Variants in DEK observed in about 807,000 individuals in gnomAD.
The protein encoded by DEK is protein DEK.
A neutral mutation model predicts 46.8 loss-of-function variants in DEK; 28 were observed. That is an observed-to-expected ratio of 0.60 (90% CI 0.44 to 0.82). The LOEUF is 0.82. Ranked by LOEUF, DEK falls within the 40% of genes least tolerant of loss-of-function variation. The pLI, the probability that DEK is intolerant of heterozygous loss-of-function variation, is 0.00. For synonymous variants in DEK, 160 were observed against 144.5 expected (o/e 1.11, Z -0.77); for missense variants, 416 against 430.6 (o/e 0.97, Z 0.30).
intron 7 of DEK, among the ~76,000 whole-genome samples, chr6:18,246,797 G>C (rs1159316231): frequency 1.3e-5 from 2 of 152,168 alleles, no homozygotes; most frequent in Non-Finnish European, 2.9e-5. Context: ...TCATTTTACA[G>C]AGGAAACTGA....
At chr6:18,231,314 GAAGC>G (rs1374055195) in intron 9 of DEK, among the ~76,000 whole-genome samples, 6 of 152,020 alleles carry the variant, frequency 3.9e-5, no homozygotes, top group African/African-American at 1.4e-4. Flanking sequence ...AAGAACTAGA[GAAGC>G]AAGAGCAAAC....
rs376026561 is a variant in DEK at position 18,263,845 on chromosome 6, T to C, written c.143A>G (p.Lys48Arg). Residue 48 changes from lysine (K) to arginine (R), a missense_variant and splice_region_variant, in exon 2 of 11, where the codon AAA (lysine) becomes AGA (arginine). Coordinates refer to ENST00000652689, the MANE Select transcript of DEK (RefSeq NM_003472.4). ...AGTTGGGATGCGACTCCCCCCACCT[T>C]TTTCCTCCTCCTCCTCCTCCTCGTC... The part of the protein sequence containing the change: ...EDDEEEEEEE[K>R]EKSLIVEGKR... 3 of 1,611,852 alleles carry C rather than the reference T, an allele frequency of 1.9e-6. No individual in the cohort carries two copies. The highest frequency in any genetic ancestry group is 2.7e-5 in the African/African-American group (2 of 74,802).
chr6:18,251,234 A>C (rs1289327512), intron 6 of DEK, among the ~76,000 whole-genome samples: 1 of 152,182 alleles, frequency 6.6e-6, no homozygotes, highest in Non-Finnish European at 1.5e-5. Flanking sequence ...ATTTTCTGCA[A>C]TAAGCAGAAA....
rs1790081713 is a variant in DEK, at chr6:18,225,635, G to C, written c.*84C>G. The C allele has an allele frequency of 6.8e-7, 1 of 1,477,164 alleles. No individual in the cohort carries two copies. Among genetic ancestry groups the C allele is most frequent in the Non-Finnish European group, 9.2e-7 (1 of 1,083,062 alleles). The allele number at this position is 1,477,164 out of a possible 1,614,324, so 91.5% of individuals were successfully genotyped here. A position where few individuals can be genotyped will look rare whatever the true frequency, so the allele number is the denominator to read the frequency against. On this transcript the variant is annotated 3_prime_UTR_variant, in exon 11 of 11. Coordinates refer to ENST00000652689, the MANE Select transcript of DEK (RefSeq NM_003472.4). ...CGTTGCTTAACAAGGATTTAGAAAA[G>C]GAAATACATTCTCTTTGCTGGTATA...
intron 7 of DEK, among the ~76,000 whole-genome samples, chr6:18,247,860 C>T (rs1451608533): frequency 6.6e-6 from 1 of 151,980 alleles, no homozygotes; most frequent in African/African-American, 2.4e-5. Context: ...TTAGTAGAGG[C>T]AGGGTTTCAC....
intron 8 of DEK, 71 bp downstream of exon 8, chr6:18,237,309 TA>T: frequency 5.3e-6 from 8 of 1,501,962 alleles, no homozygotes; most frequent in Non-Finnish European, 7.1e-6. Flanking sequence ...CCCACACACT[TA>T]AATACTATGT....
At chr6:18,240,653 ACTTT>A (rs539764001) in intron 7 of DEK, among the ~76,000 whole-genome samples, 8 of 152,280 alleles carry the variant, frequency 5.3e-5, no homozygotes, top group African/African-American at 1.9e-4. Flanking sequence ...AATAACTTAA[ACTTT>A]CTAAGTGTTT....
chr6:18,225,620 C>A lies in DEK; in HGVS notation c.*99G>T. 1 of 1,390,352 alleles carries A rather than the reference C, an allele frequency of 7.2e-7. No homozygotes were observed. Among genetic ancestry groups the A allele is most frequent in the Non-Finnish European group, 9.8e-7 (1 of 1,018,970 alleles). 86.1% of individuals were successfully genotyped at this position (1,390,352 alleles called of 1,614,324 possible). A position where few individuals can be genotyped will look rare whatever the true frequency, so the allele number is the denominator to read the frequency against. On this transcript the variant is annotated 3_prime_UTR_variant, in exon 11 of 11. Transcript: ENST00000652689. ...AGTAAGTTCTACTAACGTTGCTTAA[C>A]AAGGATTTAGAAAAGGAAATACATT...
chr6:18,240,958 A>G (rs1790867019), intron 7 of DEK, among the ~76,000 whole-genome samples: 1 of 152,254 alleles, frequency 6.6e-6, no homozygotes, highest in South Asian at 2.1e-4. Flanking sequence ...CTATAGTAAT[A>G]CGTCATGTCA....
intron 2 of DEK, among the ~76,000 whole-genome samples, chr6:18,262,294 C>CAAAAAAAAA (rs528582239): frequency 2.3e-4 from 25 of 108,520 alleles, no homozygotes; most frequent in African/African-American, 8.1e-4. Context: ...TATAGTAACG[C>CAAAAAAAAA]AAAAAAAAAA....
chr6:18,227,246 G>C (rs1044080285), intron 9 of DEK, among the ~76,000 whole-genome samples: 35 of 152,092 alleles, frequency 2.3e-4, no homozygotes, highest in African/African-American at 8.4e-4. Flanking sequence ...TCTCCTGCCT[G>C]TCCCTGGGCA....
At chr6:18,254,332 AAACAACAGTAAC>A (rs563150875) in intron 6 of DEK, among the ~76,000 whole-genome samples, 426 of 152,276 alleles carry the variant, frequency 2.8e-3, no homozygotes, top group Non-Finnish European at 2.6e-3. Flanking sequence ...ATCTGTCTCA[AAACAACAGTAAC>A]AACAACAGTA....
At chr6:18,256,875 T>C (rs1791618782) in intron 4 of DEK, among the ~76,000 whole-genome samples, 3 of 152,200 alleles carry the variant, frequency 2.0e-5, no homozygotes, top group Admixed American at 2.0e-4. Context: ...AAGTAAAGAA[T>C]AGCGAGTACC....
At chr6:18,225,863 T>C (rs1045289009) in intron 10 of DEK, 133 bp from the exon 11 acceptor site, 141 of 1,086,552 alleles carry the variant, frequency 1.3e-4, no homozygotes, top group Non-Finnish European at 1.8e-4. Flanking sequence ...CTGCTGATCT[T>C]CCCCTCACCT....
intron 2 of DEK, among the ~76,000 whole-genome samples, chr6:18,260,403 A>G (rs909320910): frequency 6.6e-6 from 1 of 152,200 alleles, no homozygotes; most frequent in South Asian, 2.1e-4. Flanking sequence ...TCATCTGGAC[A>G]GCTACAATTC....
At chr6:18,242,602 A>G (rs1425672757) in intron 7 of DEK, among the ~76,000 whole-genome samples, 2 of 152,154 alleles carry the variant, frequency 1.3e-5, no homozygotes, top group African/African-American at 4.8e-5. Context: ...TCCACACTGT[A>G]GATGCTCCCA....
rs1790008673 is a variant in DEK at position 18,224,208 on chromosome 6, GT to G, written c.*1510del. On this transcript the variant is annotated 3_prime_UTR_variant, in exon 11 of 11. Coordinates refer to ENST00000652689, the MANE Select transcript of DEK (RefSeq NM_003472.4). ...ATTTAGATTTATTTTTATTGACAAG[GT>G]TTATAAGAACAAATATTTAAAATCG... The G allele has an allele frequency of 5.7e-6, 1 of 176,800 alleles. No homozygotes were observed. The highest frequency in any genetic ancestry group is 6.3e-5 in the Admixed American group (1 of 15,828). The allele number at this position is 176,800 out of a possible 1,614,324, so 11.0% of individuals were successfully genotyped here.
intron 2 of DEK, among the ~76,000 whole-genome samples, chr6:18,261,002 A>AAG (rs1791837048): frequency 6.7e-6 from 1 of 150,370 alleles, no homozygotes; most frequent in African/African-American, 2.4e-5. Context: ...AAAAAAAAAA[A>AAG]AGAAAGAAAA....
chr6:18,233,004 T>C (rs1164877836), intron 9 of DEK, among the ~76,000 whole-genome samples: 2 of 152,124 alleles, frequency 1.3e-5, no homozygotes, highest in Non-Finnish European at 2.9e-5. Context: ...AACAGAGATA[T>C]AGACCAATGG....
Sources: gnomAD v4.1 joint callset for allele counts (sites outside exome capture counted in the v4.1 genomes callset) on GRCh38, gnomAD v4.1.1 for gene constraint, MANE v1.5 for transcripts, NCBI Gene and HGNC (gene_info 2026-07-23, HGNC 2026-07-21) for gene names.